Variants in PASK observed in about 807,000 individuals in gnomAD.
PASK encodes PAS domain-containing serine/threonine-protein kinase.
PASK carries 110 observed loss-of-function variants against 121.0 expected under a neutral mutation model. The ratio of observed to expected loss-of-function variants is 0.91; its 90% confidence interval spans 0.78 to 1.06. The LOEUF is 1.06. Ranked by LOEUF, PASK falls within the 50% of genes least tolerant of loss-of-function variation. PASK has a pLI of 0.00. For synonymous variants in PASK, 686 were observed against 717.8 expected (o/e 0.96, Z 0.71); for missense variants, 1,643 against 1,702.3 (o/e 0.97, Z 0.61).
intron 1 of PASK, among the ~76,000 whole-genome samples, chr2:241,148,103 T>A (rs2067058672): frequency 6.6e-6 from 1 of 152,144 alleles, no homozygotes. Context: ...AGGCCCAAAT[T>A]TTTAAAATTG....
At chr2:241,113,098 A>T (rs1237640319) in intron 14 of PASK, among the ~76,000 whole-genome samples, 1 of 152,178 alleles carries the variant, frequency 6.6e-6, no homozygotes, top group African/African-American at 2.4e-5. Flanking sequence ...CTGCCTGCCC[A>T]CTCTGCCTCT....
rs2066476747 is a variant in PASK at position 241,137,194 on chromosome 2, T to C, written c.947A>G (p.Lys316Arg). 3 of 1,612,814 alleles carry C rather than the reference T, an allele frequency of 1.9e-6. No homozygotes were observed. The highest frequency in any genetic ancestry group is 2.5e-6 in the Non-Finnish European group (3 of 1,179,020). ...GTTFPLSLKLKSQPSSEEATT... is the reference protein window; with the variant it reads ...GTTFPLSLKLRSQPSSEEATT... The stretch of plus-strand genomic sequence containing the variant: ...CGCCTCCTCGCTGCTGGGTTGGGAT[T>C]TCAGCTTTAAGCTCAGAGGGAAGGT... The change falls in exon 7 of 18, where the codon AAA (lysine) becomes AGA (arginine). Residue 316 changes from lysine (K) to arginine (R), a missense_variant. This residue lies in a region of PASK where 1,176 missense variants were observed against 1,162.2 expected (regional missense o/e 1.01). Transcript: ENST00000234040.
chr2:241,140,213 TCA>T (rs2066639383), intron 3 of PASK, among the ~76,000 whole-genome samples, 158 bp from the exon 4 acceptor site: 1 of 107,906 alleles, frequency 9.3e-6, no homozygotes, highest in African/African-American at 4.5e-5. Flanking sequence ...CAATCAGAGC[TCA>T]CTGCAGCGGC....
At chr2:241,124,344 G>C (rs1350344297) in intron 10 of PASK, among the ~76,000 whole-genome samples, 1 of 152,246 alleles carries the variant, frequency 6.6e-6, no homozygotes, top group East Asian at 1.9e-4. Flanking sequence ...GGGCCGGCCA[G>C]GGAAAGACCC....
intron 12 of PASK, among the ~76,000 whole-genome samples, chr2:241,116,080 C>T (rs762862158): frequency 2.6e-5 from 3 of 116,150 alleles, no homozygotes; most frequent in African/African-American, 1.3e-4. Context: ...CCCAGTCCTC[C>T]AGCATCCCAT....
chr2:241,131,749 A>C (rs2066144319), intron 9 of PASK, among the ~76,000 whole-genome samples: 1 of 152,122 alleles, frequency 6.6e-6, no homozygotes. Flanking sequence ...CCTTTACTGC[A>C]TGCTGTGCAT....
rs1399173901 is a variant in PASK at position 241,122,505 on chromosome 2, T to C, written c.3072+227A>G. On this transcript the variant is annotated intron_variant, in intron 12 of 17. Coordinates refer to ENST00000234040, the MANE Select transcript of PASK (RefSeq NM_015148.4). ...GAGGCGAAGCCCTGAGCCTGGCCTG[T>C]TCGAGGTCTGAATCTACAATTGGAC... Among the ~76,000 whole-genome samples, 3 of 152,204 alleles carry C rather than the reference T, an allele frequency of 2.0e-5. 1 individual carries two copies. Among genetic ancestry groups the C allele is most frequent in the South Asian group, 4.1e-4 (2 of 4,830 alleles).
Position 241,107,404 on chromosome 2 carries a change from C to T in PASK, c.3763G>A (p.Val1255Met), listed in dbSNP as rs746495650. Residue 1255 changes from valine to methionine, a missense_variant, in exon 17 of 18, where the codon GTG becomes ATG. Coordinates refer to ENST00000234040, the MANE Select transcript of PASK (RefSeq NM_015148.4). ...TCCCATGTATAGTCAGCAAGATTCA[C>T]AGGCTGTGTTACCCACGGGTCTGTC... The part of the protein sequence containing the change: ...LVTDPWVTQP[V>M]NLADYTWEEV... 8 of 1,614,056 alleles carry T rather than the reference C, an allele frequency of 5.0e-6. No homozygotes were observed. In the South Asian group the frequency reaches 8.8e-5, roughly 18 times the overall value.
In PASK at chr2:241,108,096, G is replaced by A; in HGVS notation, c.3667+71C>T. 6.8e-7 allele frequency: 1 copy of A among 1,474,008 alleles called. No individual in the cohort carries two copies. The highest frequency in any genetic ancestry group is 1.1e-5 in the South Asian group (1 of 88,408). 91.3% of individuals were successfully genotyped at this position (1,474,008 alleles called of 1,614,324 possible). A position where few individuals can be genotyped will look rare whatever the true frequency, so the allele number is the denominator to read the frequency against. On this transcript the variant is annotated intron_variant, in intron 16 of 17. Transcript: ENST00000234040. The surrounding 1 kb of genome is among the most constrained non-coding windows in gnomAD (Gnocchi z 5.2). ...GGACAGAGATACACTGAGGAATGAG[G>A]AAATGGGAAAAAAAAGTGGCTGGTC...
At position 241,132,616 on chromosome 2, in the gene PASK, T is replaced by C. The variant is rs1280616590; in HGVS notation, c.1463+258A>G. On this transcript the variant is annotated intron_variant, in intron 9 of 17. Coordinates refer to ENST00000234040, the MANE Select transcript of PASK (RefSeq NM_015148.4). The stretch of plus-strand genomic sequence containing the variant: ...AATCTACCTCAACATTCTGGAACTC[T>C]CCACAGCCTGTTTCCTTATCCCTAC... 2.7e-5 allele frequency among the ~76,000 whole-genome samples: 4 copies of C among 146,520 alleles called. 1 individual carries two copies. In the South Asian group the frequency reaches 6.9e-4, roughly 25 times the overall value.
intron 11 of PASK, 29 bp downstream of exon 11, chr2:241,123,920 C>T: frequency 6.3e-7 from 1 of 1,593,638 alleles, no homozygotes; most frequent in South Asian, 1.1e-5. Flanking sequence ...AAGGCAAGTC[C>T]AGGGCAGGCA....
At chr2:241,129,635 T>G (rs74921724) in intron 9 of PASK, among the ~76,000 whole-genome samples, 1,818 of 152,374 alleles carry the variant, frequency 0.012, 12 homozygotes, top group African/African-American at 0.028. Flanking sequence ...GCTAAGAGAT[T>G]GTGAAACTGT....
chr2:241,149,313 G>C (rs918723246), intron 1 of PASK, 101 bp downstream of exon 1: 3 of 204,008 alleles, frequency 1.5e-5, no homozygotes, highest in African/African-American at 6.9e-5. Context: ...GAGTCGGGCG[G>C]CGGATCCTCC....
rs767624345 is a variant in PASK, at chr2:241,137,027, C to T, written c.1114G>A (p.Gly372Arg). 13 of 1,613,288 alleles carry T rather than the reference C, an allele frequency of 8.1e-6. No individual in the cohort carries two copies. The highest frequency in any genetic ancestry group is 3.3e-5 in the Admixed American group (2 of 60,016). ...HSFALTLFGY[G>R]KTELLGKNIT... ...ACCTTGCCCAGGAGCTCCGTCTTTC[C>T]GTAACCAAACAGTGTCAGCGCGAAG... Residue 372 changes from glycine (G) to arginine (R), a missense_variant, in exon 7 of 18, where the codon GGA becomes AGA. Transcript: ENST00000234040.
At position 241,136,008 on chromosome 2, in the gene PASK, C is replaced by T; in HGVS notation, c.1169G>A (p.Ser390Asn). The T allele has an allele frequency of 1.2e-6, 2 of 1,614,120 alleles. No individual in the cohort carries two copies. The highest frequency in any genetic ancestry group is 1.7e-6 in the Non-Finnish European group (2 of 1,179,940). Reference protein sequence around the residue: ...NITFLIPGFYSYMDLAYNSSL... With the variant: ...NITFLIPGFYNYMDLAYNSSL... ...GCTGTTGTACGCAAGGTCCATGTAG[C>T]TGTAGAAACCAGGAATCAGGAAAGT... Residue 390 changes from serine (S) to asparagine (N), a missense_variant, in exon 8 of 18, where the codon AGC becomes AAC. Physicochemically the swap from Ser to Asn is conservative, Grantham distance 46. This residue lies in a region of PASK where 1,176 missense variants were observed against 1,162.2 expected (regional missense o/e 1.01). Coordinates refer to ENST00000234040, the MANE Select transcript of PASK (RefSeq NM_015148.4).
chr2:241,140,648 G>A lies in PASK; in HGVS notation c.302C>T (p.Pro101Leu), dbSNP rs781260193. 1.7e-5 allele frequency: 28 copies of A among 1,613,864 alleles called. No homozygotes were observed. The highest frequency in any genetic ancestry group is 1.5e-4 in the South Asian group (14 of 91,082). ...AAPEHTDPSE[P>L]RGSVSCCSLL... Reference sequence around the variant, plus strand: ...GGAGCAGCAGGACACACTGCCCCGCGGTTCGGACGGGTCCGTGTGCTCAGG... The same window carrying A: ...GGAGCAGCAGGACACACTGCCCCGCAGTTCGGACGGGTCCGTGTGCTCAGG... Residue 101 changes from proline to leucine, a missense_variant, in exon 3 of 18, where the codon CCG (proline) becomes CTG (leucine). Pro to Leu is a moderately conservative substitution (Grantham distance 98). This residue lies in a region of PASK where 1,176 missense variants were observed against 1,162.2 expected (regional missense o/e 1.01). Coordinates refer to ENST00000234040, the MANE Select transcript of PASK (RefSeq NM_015148.4).
Position 241,106,404 on chromosome 2 carries a change from T to C in PASK, c.*162A>G. On this transcript the variant is annotated 3_prime_UTR_variant, in exon 18 of 18. Transcript: ENST00000234040. Reference sequence around the variant, plus strand: ...AATCTATGTAATAAATCTAAAATAATACAGCATCACTGTCTTCTGTTCTGG... The same window carrying C: ...AATCTATGTAATAAATCTAAAATAACACAGCATCACTGTCTTCTGTTCTGG... The C allele has an allele frequency of 2.7e-6, 2 of 744,924 alleles. No individual in the cohort carries two copies. The highest frequency in any genetic ancestry group is 3.1e-5 in the South Asian group (2 of 65,512). The allele number at this position is 744,924 out of a possible 1,614,324, so 46.1% of individuals were successfully genotyped here. A position where few individuals can be genotyped will look rare whatever the true frequency, so the allele number is the denominator to read the frequency against.
Position 241,106,222 on chromosome 2 carries a change from T to C in PASK, c.*344A>G. 1 of 349,036 alleles carries C rather than the reference T, an allele frequency of 2.9e-6. No individual in the cohort carries two copies. The highest frequency in any genetic ancestry group is 5.4e-6 in the Non-Finnish European group (1 of 186,414). The allele number at this position is 349,036 out of a possible 1,614,324, so 21.6% of individuals were successfully genotyped here. ...CACATATCCGTCACTCAGATGAGCATATACCAAGTCAGAGGAAACAAAACA... is the reference window on the plus strand; with the variant it reads ...CACATATCCGTCACTCAGATGAGCACATACCAAGTCAGAGGAAACAAAACA... On this transcript the variant is annotated 3_prime_UTR_variant, in exon 18 of 18. Coordinates refer to ENST00000234040, the MANE Select transcript of PASK (RefSeq NM_015148.4).
intron 12 of PASK, among the ~76,000 whole-genome samples, chr2:241,117,468 G>C (rs968732400): frequency 6.6e-6 from 1 of 152,204 alleles, no homozygotes; most frequent in Non-Finnish European, 1.5e-5. Context: ...GAGACAAGAG[G>C]GCAGGCTCCT....
Sources: gnomAD v4.1 joint callset for allele counts (sites outside exome capture counted in the v4.1 genomes callset) on GRCh38, gnomAD v4.1.1 for gene constraint, gnomAD v4.1.1 regional missense constraint, Gnocchi (gnomAD v3.1) non-coding constraint, MANE v1.5 for transcripts, NCBI Gene and HGNC (gene_info 2026-07-23, HGNC 2026-07-21) for gene names.